The following ING3 variants were observed in gnomAD, a reference collection of about 807,000 sequenced individuals.
ING3 encodes inhibitor of growth family member 3, also known as inhibitor of growth protein 3.
Under a neutral mutation model 64.8 loss-of-function variants are expected in ING3, and 6 were observed. The ratio of observed to expected loss-of-function variants is 0.09; its 90% CI spans 0.05 to 0.18. The LOEUF (loss-of-function observed/expected upper bound fraction) is 0.18, where lower values mean the gene tolerates loss of function less well. Among genes scored for constraint, ING3 ranks in the 10% least tolerant of loss-of-function variants. ING3 has a pLI of 1.00. For synonymous variants in ING3, 170 were observed against 173.7 expected (o/e 0.98, Z 0.17); for missense variants, 310 against 489.7 (o/e 0.63, Z 3.46).
chr7:120,963,833 T>C (rs1795964717), intron 4 of ING3, among the ~76,000 whole-genome samples: 1 of 152,188 alleles, frequency 6.6e-6, no homozygotes, highest in Non-Finnish European at 1.5e-5. Context: ...ATAGCACATG[T>C]TGATATCTGT....
At chr7:120,974,434 T>G (rs1796109089) in intron 11 of ING3, among the ~76,000 whole-genome samples, 1 of 152,198 alleles carries the variant, frequency 6.6e-6, no homozygotes, top group Non-Finnish European at 1.5e-5. Flanking sequence ...CACTTCTTTT[T>G]GCCCTTGAAA....
chr7:120,965,017 T>C (rs114880682), intron 5 of ING3, among the ~76,000 whole-genome samples, 179 bp downstream of exon 5: 2,386 of 152,226 alleles, frequency 0.016, 55 homozygotes, highest in African/African-American at 0.055. Context: ...AGAGAGATAA[T>C]ATAGGATATC....
At chr7:120,953,502 A>G in intron 3 of ING3, 98 bp downstream of exon 3, 1 of 694,998 alleles carries the variant, frequency 1.4e-6, no homozygotes, top group Non-Finnish European at 2.5e-6. Flanking sequence ...AAAATGAGAG[A>G]ATATTATCAA....
rs1335638851 is a variant in ING3 at position 120,976,042 on chromosome 7, A to G, written c.*1198A>G. Reference sequence around the variant, plus strand: ...CTATTTTTGATTCTACCACTTACTGATATGACAGTTAATTCAAATTTTGTA... The same window carrying G: ...CTATTTTTGATTCTACCACTTACTGGTATGACAGTTAATTCAAATTTTGTA... On this transcript the variant is annotated 3_prime_UTR_variant, in exon 12 of 12. Coordinates refer to ENST00000315870, the MANE Select transcript of ING3 (RefSeq NM_019071.3). 6.6e-6 allele frequency: 1 copy of G among 152,178 alleles called. No homozygotes were observed. The highest frequency in any genetic ancestry group is 1.9e-4 in the East Asian group (1 of 5,204). 9.4% of individuals were successfully genotyped at this position (152,178 alleles called of 1,614,324 possible).
In ING3 at chr7:120,966,666, T is replaced by C; in HGVS notation, c.405T>C (p.Asn135=). 2 of 1,613,748 alleles carry C rather than the reference T, an allele frequency of 1.2e-6. No individual in the cohort carries two copies. The highest frequency in any genetic ancestry group is 1.7e-6 in the Non-Finnish European group (2 of 1,179,634). ...ELDTPSQPVN[N]HHAHSHTPVE... ...ACACTCCTTCACAGCCAGTGAACAA[T>C]CACCATGCTCATTCACATACTCCAG... Residue 135 remains asparagine (N), a synonymous_variant, in exon 6 of 12, where the codon AAT becomes AAC. Coordinates refer to ENST00000315870, the MANE Select transcript of ING3 (RefSeq NM_019071.3).
intron 4 of ING3, among the ~76,000 whole-genome samples, chr7:120,959,807 G>A (rs1366551768): frequency 1.3e-5 from 2 of 151,116 alleles, no homozygotes; most frequent in South Asian, 2.1e-4. Flanking sequence ...CACCACGCCC[G>A]GCTAATTTTT....
chr7:120,973,061 AATT>A (rs930574930), intron 10 of ING3, 141 bp from the exon 11 acceptor site: 115 of 518,232 alleles, frequency 2.2e-4, no homozygotes, highest in African/African-American at 2.2e-3. Context: ...TTCAGGAAAA[AATT>A]ATTATACCTT....
chr7:120,975,385 G>A lies in ING3; in HGVS notation c.*541G>A, dbSNP rs1796121819. 1 of 152,104 alleles carries A rather than the reference G, an allele frequency of 6.6e-6. No homozygotes were observed. Among genetic ancestry groups the A allele is most frequent in the South Asian group, 2.1e-4 (1 of 4,822 alleles). The allele number at this position is 152,104 out of a possible 1,614,324, so 9.4% of individuals were successfully genotyped here. ...GTGAAACTAATTCAGCAGGCTGAAG[G>A]AAATGGTTCATGTGATAATGTGGGC... On this transcript the variant is annotated 3_prime_UTR_variant, in exon 12 of 12. Transcript: ENST00000315870.
chr7:120,966,626 G>A lies in ING3; in HGVS notation c.365G>A (p.Arg122Gln). ...TATCTCTGTGCCTCTCTTCTTTTAGGATCTTTGGAATTAGACACTCCTTCA... is the reference window on the plus strand; with the variant it reads ...TATCTCTGTGCCTCTCTTCTTTTAGAATCTTTGGAATTAGACACTCCTTCA... ...NAGITEILER[R>Q]SLELDTPSQP... The change falls in exon 6 of 12, where the codon CGA (arginine) becomes CAA (glutamine). Residue 122 changes from arginine (R) to glutamine (Q), a missense_variant and splice_region_variant. Transcript: ENST00000315870. 6.2e-7 allele frequency: 1 copy of A among 1,610,508 alleles called. No individual in the cohort carries two copies. Among genetic ancestry groups the A allele is most frequent in the South Asian group, 1.1e-5 (1 of 90,990 alleles).
chr7:120,970,290 C>G (rs1584994931), intron 9 of ING3, among the ~76,000 whole-genome samples: 1 of 151,898 alleles, frequency 6.6e-6, no homozygotes, highest in East Asian at 1.9e-4. Context: ...ACGATGAAAC[C>G]CCATCTCTAC....
Position 120,960,227 on chromosome 7 carries a change from G to T in ING3, c.268-4515G>T, listed in dbSNP as rs58515942. Reference sequence around the variant, plus strand: ...GGCAAGTTGAACCAAGAGAGAGGCCGGGGTGGTTGGTCTGTGGTCTGTAAT... The same window carrying T: ...GGCAAGTTGAACCAAGAGAGAGGCCTGGGTGGTTGGTCTGTGGTCTGTAAT... On this transcript the variant is annotated intron_variant, in intron 4 of 11. Coordinates refer to ENST00000315870, the MANE Select transcript of ING3 (RefSeq NM_019071.3). Among the ~76,000 whole-genome samples the T allele has an allele frequency of 5.3e-3, 814 of 152,278 alleles. 6 individuals are homozygous for T. The highest frequency in any genetic ancestry group is 0.024 in the Middle Eastern group (7 of 294).
rs1272214995 is a variant in ING3 at position 120,968,030 on chromosome 7, C to T, written c.653C>T (p.Ser218Leu). ...LGSYNIGSLS[S>L]GTGAGAITMA... Reference sequence around the variant, plus strand: ...TCCTATAACATTGGCTCGTTATCTTCAGGAACTGGTGCAGGGGCAATTACC... The same window carrying T: ...TCCTATAACATTGGCTCGTTATCTTTAGGAACTGGTGCAGGGGCAATTACC... The change falls in exon 8 of 12, where the codon TCA becomes TTA. Residue 218 changes from serine (S) to leucine (L), a missense_variant. Physicochemically the swap from Ser to Leu is moderately radical, Grantham distance 145. Around this residue, in one of 3 missense-constraint regions of ING3, gnomAD observed 233 missense variants for 289.4 expected, o/e 0.81. Transcript: ENST00000315870. The T allele has an allele frequency of 1.9e-6, 3 of 1,614,124 alleles. No individual in the cohort carries two copies. Among genetic ancestry groups the T allele is most frequent in the Admixed American group, 1.7e-5 (1 of 60,010 alleles).
intron 9 of ING3, among the ~76,000 whole-genome samples, chr7:120,969,595 AT>A (rs1254653874): frequency 2.6e-5 from 4 of 151,586 alleles, no homozygotes; most frequent in Non-Finnish European, 5.9e-5. Flanking sequence ...AAGATTTTTC[AT>A]TTTGATTAAC....
At chr7:120,955,827 T>C (rs1375846344) in intron 4 of ING3, 2 of 587,600 alleles carry the variant, frequency 3.4e-6, no homozygotes, top group African/African-American at 3.7e-5. Flanking sequence ...TGGTGAGAAC[T>C]GTACATTTTA....
intron 6 of ING3, among the ~76,000 whole-genome samples, 156 bp downstream of exon 6, chr7:120,966,853 G>A (rs114253383): frequency 2.0e-5 from 3 of 151,866 alleles, no homozygotes; most frequent in Middle Eastern, 3.4e-3. Context: ...TTTTTCCTTG[G>A]GGGGAGCATA....
chr7:120,951,849 T>C (rs888562704), intron 2 of ING3, among the ~76,000 whole-genome samples: 1 of 152,234 alleles, frequency 6.6e-6, no homozygotes, highest in Non-Finnish European at 1.5e-5. Flanking sequence ...AATGAACATT[T>C]CTTTTTCTTT....
rs1796126322 is a variant in ING3 at position 120,975,663 on chromosome 7, A to AT, written c.*822dup. On this transcript the variant is annotated 3_prime_UTR_variant, in exon 12 of 12. Transcript: ENST00000315870. The stretch of plus-strand genomic sequence containing the variant: ...ATAAAGTTTTTAAAAAATTACTTGT[A>AT]TTTATACTTTACATACTTAATAATG... 6.6e-6 allele frequency: 1 copy of AT among 152,128 alleles called. No individual in the cohort carries two copies. The highest frequency in any genetic ancestry group is 6.5e-5 in the Admixed American group (1 of 15,276). 9.4% of individuals were successfully genotyped at this position (152,128 alleles called of 1,614,324 possible).
At chr7:120,952,579 G>C (rs940192082) in intron 2 of ING3, among the ~76,000 whole-genome samples, 12 of 152,074 alleles carry the variant, frequency 7.9e-5, no homozygotes, top group African/African-American at 2.9e-4. Context: ...TAACAGAACT[G>C]TGTGCCAAAT....
At chr7:120,952,630 A>G (rs1795784061) in intron 2 of ING3, among the ~76,000 whole-genome samples, 1 of 152,168 alleles carries the variant, frequency 6.6e-6, no homozygotes, top group Non-Finnish European at 1.5e-5. Context: ...ACATACTTCT[A>G]AAAAATTAAC....
Sources: gnomAD v4.1 joint callset for allele counts (sites outside exome capture counted in the v4.1 genomes callset) on GRCh38, gnomAD v4.1.1 for gene constraint, gnomAD v4.1.1 regional missense constraint, MANE v1.5 for transcripts, NCBI Gene and HGNC (gene_info 2026-07-23, HGNC 2026-07-21) for gene names.